Variants in PTPN13 observed in about 807,000 individuals in gnomAD.
The protein encoded by PTPN13 is tyrosine-protein phosphatase non-receptor type 13.
A neutral mutation model predicts 284.0 loss-of-function variants in PTPN13; 191 were observed. The ratio of observed to expected loss-of-function variants is 0.67; its 90% confidence interval spans 0.60 to 0.76. PTPN13 has a LOEUF of 0.76. PTPN13 is among the 30% of genes least tolerant of loss of function. The probability of loss-of-function intolerance (pLI) is 0.00; values close to 1 mark genes in which losing one functional copy is unlikely to be tolerated. For synonymous variants in PTPN13, 986 were observed against 1,022.3 expected (o/e 0.96, Z 0.68); for missense variants, 2,797 against 2,939.9 (o/e 0.95, Z 1.12).
intron 47 of PTPN13, among the ~76,000 whole-genome samples, chr4:86,813,684 C>CT (rs1429159030): frequency 3.3e-5 from 5 of 152,144 alleles, no homozygotes; most frequent in African/African-American, 1.2e-4. Flanking sequence ...GCCTCGGCCT[C>CT]TGAGATTACA....
chr4:86,641,252 C>A (rs764896616), intron 2 of PTPN13, among the ~76,000 whole-genome samples: 1 of 151,966 alleles, frequency 6.6e-6, no homozygotes, highest in East Asian at 1.9e-4. Context: ...CTGGGAGTGG[C>A]GGGGGGAAAA....
In PTPN13 at chr4:86,594,562, C is replaced by G. The variant is rs950955532; in HGVS notation, c.-233C>G. ...GTCAGGCAGTCGGCCGGGATCGCCG[C>G]TGGGGAGCGTTTCCGAGGCGAGGAG... On this transcript the variant is annotated 5_prime_UTR_variant, in exon 1 of 48. Coordinates refer to ENST00000411767, the MANE Select transcript of PTPN13 (RefSeq NM_080683.3). 6.5e-6 allele frequency: 1 copy of G among 152,682 alleles called. No individual in the cohort carries two copies. Among genetic ancestry groups the G allele is most frequent in the Non-Finnish European group, 1.5e-5 (1 of 68,404 alleles). The allele number at this position is 152,682 out of a possible 1,614,324, so 9.5% of individuals were successfully genotyped here.
At chr4:86,706,433 T>A (rs193018374) in intron 7 of PTPN13, among the ~76,000 whole-genome samples, 1 of 152,196 alleles carries the variant, frequency 6.6e-6, no homozygotes, top group Non-Finnish European at 1.5e-5. Context: ...TGAAACAAGA[T>A]AGTATTAGGA....
intron 42 of PTPN13, among the ~76,000 whole-genome samples, chr4:86,799,688 T>C (rs1462585087): frequency 6.6e-6 from 1 of 152,076 alleles, no homozygotes; most frequent in African/African-American, 2.4e-5. Flanking sequence ...ATATTCATTA[T>C]ATTACCAGAT....
chr4:86,808,973 A>G lies in PTPN13; in HGVS notation c.7084-796A>G, dbSNP rs573551271. On this transcript the variant is annotated intron_variant, in intron 45 of 47. Transcript: ENST00000411767. The stretch of plus-strand genomic sequence containing the variant: ...AAAATGTGAATGAGTTGAGTGAGCC[A>G]TGGAGGGAATATCTGAGGAGAAAAC... Among the ~76,000 whole-genome samples, 4 of 152,312 alleles carry G rather than the reference A, an allele frequency of 2.6e-5. No individual in the cohort carries two copies. The East Asian group carries it at 5.8e-4, about 22-fold the overall frequency.
chr4:86,689,655 C>G, intron 5 of PTPN13: 1 of 702,334 alleles, frequency 1.4e-6, no homozygotes. Context: ...CCCTTCTTCT[C>G]GGAACACTGC....
intron 1 of PTPN13, among the ~76,000 whole-genome samples, chr4:86,612,264 A>T (rs968776822): frequency 6.6e-6 from 1 of 152,218 alleles, no homozygotes; most frequent in Non-Finnish European, 1.5e-5. Context: ...GGAAAATATG[A>T]TCTATAATGA....
At chr4:86,717,139 A>C in intron 9 of PTPN13, 22 bp downstream of exon 9, 1 of 1,497,348 alleles carries the variant, frequency 6.7e-7, no homozygotes, top group Admixed American at 1.7e-5. Context: ...AAAAGTAGTG[A>C]TGATACATTT....
chr4:86,624,024 A>G (rs1721559090), intron 1 of PTPN13, among the ~76,000 whole-genome samples: 1 of 152,176 alleles, frequency 6.6e-6, no homozygotes, highest in South Asian at 2.1e-4. Flanking sequence ...GTAAATAATA[A>G]ATATTTGTTA....
chr4:86,744,321 C>A (rs1448082106), intron 16 of PTPN13, among the ~76,000 whole-genome samples: 1 of 151,946 alleles, frequency 6.6e-6, no homozygotes, highest in African/African-American at 2.4e-5. Context: ...TTTCTTGTAT[C>A]CAATAGAGTA....
intron 17 of PTPN13, among the ~76,000 whole-genome samples, 196 bp downstream of exon 17, chr4:86,745,324 A>G (rs1736619451): frequency 6.6e-6 from 1 of 152,190 alleles, no homozygotes; most frequent in South Asian, 2.1e-4. Flanking sequence ...GAATACTCCT[A>G]GGGAGTACCT....
At chr4:86,708,446 C>G (rs187152280) in intron 7 of PTPN13, among the ~76,000 whole-genome samples, 2 of 152,058 alleles carry the variant, frequency 1.3e-5, no homozygotes, top group Non-Finnish European at 2.9e-5. Flanking sequence ...AAGGTCAAAC[C>G]AATACAGACT....
intron 3 of PTPN13, among the ~76,000 whole-genome samples, chr4:86,675,742 A>C (rs1728204653): frequency 6.6e-6 from 1 of 152,166 alleles, no homozygotes; most frequent in African/African-American, 2.4e-5. Context: ...GGCTACACTA[A>C]GCTTTTTATC....
chr4:86,683,116 G>A (rs1173293909), intron 3 of PTPN13, among the ~76,000 whole-genome samples: 1 of 151,904 alleles, frequency 6.6e-6, no homozygotes, highest in Non-Finnish European at 1.5e-5. Context: ...ATTAGTCAAG[G>A]TTCTGCAGAG....
At chr4:86,784,437 G>A in intron 37 of PTPN13, 28 bp from the exon 38 acceptor site, 1 of 1,499,124 alleles carries the variant, frequency 6.7e-7, no homozygotes, top group South Asian at 1.2e-5. Context: ...AATACTATCT[G>A]ATGATTTGCT....
chr4:86,744,337 C>T (rs1360555848), intron 16 of PTPN13, among the ~76,000 whole-genome samples: 1 of 152,016 alleles, frequency 6.6e-6, no homozygotes, highest in East Asian at 1.9e-4. Context: ...GAGTAGAACA[C>T]ATATTTATTA....
chr4:86,771,223 C>G lies in PTPN13; in HGVS notation c.4856C>G (p.Ser1619Cys). The stretch of plus-strand genomic sequence containing the variant: ...CTTCCAAACAGCAGTAAAGACTCTT[C>G]TCAGCCATCATGTGTGGAGCAAAGC... ...QVLPNSSKDS[S>C]QPSCVEQSTS... Residue 1619 changes from serine (S) to cysteine (C), a missense_variant, in exon 31 of 48, where the codon TCT becomes TGT. Physicochemically the swap from Ser to Cys is moderately radical, Grantham distance 112. Transcript: ENST00000411767. The G allele has an allele frequency of 6.2e-7, 1 of 1,611,790 alleles. No homozygotes were observed. Among genetic ancestry groups the G allele is most frequent in the Non-Finnish European group, 8.5e-7 (1 of 1,178,966 alleles).
intron 2 of PTPN13, among the ~76,000 whole-genome samples, chr4:86,655,768 C>G (rs1725721219): frequency 6.6e-6 from 1 of 152,098 alleles, no homozygotes; most frequent in Non-Finnish European, 1.5e-5. Context: ...CTCTGTATTT[C>G]CTGAATTTGA....
chr4:86,663,360 A>G (rs1336625168), intron 2 of PTPN13, among the ~76,000 whole-genome samples: 1 of 152,254 alleles, frequency 6.6e-6, no homozygotes, highest in East Asian at 1.9e-4. Flanking sequence ...AGTTGAGAGT[A>G]TAATTGGATA....
Sources: allele counts gnomAD v4.1 joint callset (sites outside exome capture counted in the v4.1 genomes callset), GRCh38; gene constraint gnomAD v4.1.1; transcripts MANE v1.5; gene names NCBI Gene and HGNC (gene_info 2026-07-23, HGNC 2026-07-21).